Variants in ZNF704 observed in about 807,000 individuals in gnomAD.
ZNF704 encodes zinc finger protein 704.
ZNF704 carries 10 observed loss-of-function variants against 44.7 expected under a neutral mutation model. The ratio of observed to expected loss-of-function variants is 0.22; its 90% CI spans 0.14 to 0.38. ZNF704 has a LOEUF of 0.38. Among genes scored for constraint, ZNF704 ranks in the 10% least tolerant of loss-of-function variants. The pLI is 1.00. For synonymous variants in ZNF704, 211 were observed against 207.6 expected (o/e 1.02, Z -0.14); for missense variants, 390 against 545.5 (o/e 0.71, Z 2.84).
intron 4 of ZNF704, 26 bp downstream of exon 4, chr8:80,687,200 A>T (rs1170169090): frequency 3.8e-6 from 6 of 1,596,090 alleles, no homozygotes; most frequent in African/African-American, 1.3e-5. Context: ...AACTGAATGC[A>T]GAAGACCGCG....
At chr8:80,813,466 T>A (rs1344529760) in intron 2 of ZNF704, among the ~76,000 whole-genome samples, 1 of 152,224 alleles carries the variant, frequency 6.6e-6, no homozygotes, top group Admixed American at 6.5e-5. Context: ...ATGTCATTTT[T>A]AACATCAACC....
chr8:80,708,616 A>G (rs1034722584), intron 2 of ZNF704, among the ~76,000 whole-genome samples: 2 of 152,264 alleles, frequency 1.3e-5, no homozygotes, highest in Admixed American at 1.3e-4. Flanking sequence ...GGTATAAATA[A>G]TAATTTCCAC....
At chr8:80,788,556 T>C (rs1807652296) in intron 2 of ZNF704, among the ~76,000 whole-genome samples, 1 of 152,174 alleles carries the variant, frequency 6.6e-6, no homozygotes, top group African/African-American at 2.4e-5. Flanking sequence ...GCAAACTCAA[T>C]TCTTTACCTT....
intron 1 of ZNF704, among the ~76,000 whole-genome samples, chr8:80,863,808 T>C (rs1013896200): frequency 6.6e-6 from 1 of 152,240 alleles, no homozygotes; most frequent in African/African-American, 2.4e-5. Context: ...CCTAGAATCC[T>C]GGTATGTTCT....
At chr8:80,788,673 C>A (rs745615211) in intron 2 of ZNF704, among the ~76,000 whole-genome samples, 2 of 152,120 alleles carry the variant, frequency 1.3e-5, no homozygotes, top group Non-Finnish European at 2.9e-5. Context: ...TGAAGGAAGG[C>A]GGAGCATGAA....
At chr8:80,804,761 G>A (rs758516070) in intron 2 of ZNF704, among the ~76,000 whole-genome samples, 2 of 152,058 alleles carry the variant, frequency 1.3e-5, no homozygotes, top group Non-Finnish European at 2.9e-5. Context: ...TATGATCTGT[G>A]CAGCAAACCA....
At chr8:80,779,684 T>C (rs1308161087) in intron 2 of ZNF704, among the ~76,000 whole-genome samples, 2 of 151,904 alleles carry the variant, frequency 1.3e-5, no homozygotes, top group African/African-American at 4.8e-5. Context: ...AATAATACAT[T>C]TCACATTAAG....
rs1275722076 is a variant in ZNF704 at position 80,632,966 on chromosome 8, G to A, written c.*8400C>T. 5 of 149,842 alleles carry A rather than the reference G, an allele frequency of 3.3e-5. No homozygotes were observed. The highest frequency in any genetic ancestry group is 3.3e-4 in the Admixed American group (5 of 15,220). 9.3% of individuals were successfully genotyped at this position (149,842 alleles called of 1,614,324 possible). On this transcript the variant is annotated 3_prime_UTR_variant, in exon 9 of 9. Coordinates refer to ENST00000327835, the MANE Select transcript of ZNF704 (RefSeq NM_001033723.3). ...AAGTTTTTTTTTGAGGCTCCTTCTA[G>A]CTCCACAACCCAACTGCCTGTGAAT...
rs1809327342 is a variant in ZNF704, at chr8:80,874,421, G to A, written c.-22+150C>T. 6.7e-6 allele frequency: 1 copy of A among 149,556 alleles called. No individual in the cohort carries two copies. 9.3% of individuals were successfully genotyped at this position (149,556 alleles called of 1,614,324 possible). A position where few individuals can be genotyped will look rare whatever the true frequency, so the allele number is the denominator to read the frequency against. ...GCCTCTCCCGGCCGGCTGCGCCCGCGCGCTCCGGGCCTACCGCTGCCGTGC... is the reference window on the plus strand; with the variant it reads ...GCCTCTCCCGGCCGGCTGCGCCCGCACGCTCCGGGCCTACCGCTGCCGTGC... On this transcript the variant is annotated intron_variant, in intron 1 of 8. Transcript: ENST00000327835. This position sits in a 1 kb window ranked among gnomAD's most constrained non-coding sequence, Gnocchi z 4.4.
In ZNF704 at chr8:80,633,074, T is replaced by C. The variant is rs140969163; in HGVS notation, c.*8292A>G. ...TCCATTCATATATTGGACTGCCTTT[T>C]AATCATTCACAATGAAAGAAATCTC... On this transcript the variant is annotated 3_prime_UTR_variant, in exon 9 of 9. Coordinates refer to ENST00000327835, the MANE Select transcript of ZNF704 (RefSeq NM_001033723.3). 6.6e-6 allele frequency: 1 copy of C among 152,356 alleles called. No individual in the cohort carries two copies. Among genetic ancestry groups the C allele is most frequent in the African/African-American group, 2.4e-5 (1 of 41,580 alleles). 9.4% of individuals were successfully genotyped at this position (152,356 alleles called of 1,614,324 possible).
chr8:80,709,530 G>A (rs1263741525), intron 2 of ZNF704, among the ~76,000 whole-genome samples: 1 of 147,792 alleles, frequency 6.8e-6, no homozygotes, highest in Non-Finnish European at 1.5e-5. Context: ...GACAGGATCA[G>A]TTCTATAAGG....
chr8:80,837,954 C>T (rs1808609360), intron 1 of ZNF704, among the ~76,000 whole-genome samples: 1 of 152,166 alleles, frequency 6.6e-6, no homozygotes, highest in Non-Finnish European at 1.5e-5. Context: ...GTCCCACACT[C>T]TCCTCACCTG....
Position 80,631,526 on chromosome 8 carries a change from G to C in ZNF704, c.*9840C>G, listed in dbSNP as rs890859400. On this transcript the variant is annotated 3_prime_UTR_variant, in exon 9 of 9. Transcript: ENST00000327835. Reference sequence around the variant, plus strand: ...TCAGAGCCTGGAGTAATTAAACATGGAGCCCTCTTGCTCTGTCCTCATTGT... The same window carrying C: ...TCAGAGCCTGGAGTAATTAAACATGCAGCCCTCTTGCTCTGTCCTCATTGT... The C allele has an allele frequency of 2.0e-5, 3 of 152,214 alleles. No individual in the cohort carries two copies. The highest frequency in any genetic ancestry group is 4.4e-5 in the Non-Finnish European group (3 of 68,058). The allele number at this position is 152,214 out of a possible 1,614,324, so 9.4% of individuals were successfully genotyped here.
chr8:80,863,817 C>CT (rs1809109177), intron 1 of ZNF704, among the ~76,000 whole-genome samples: 1 of 152,088 alleles, frequency 6.6e-6, no homozygotes, highest in Non-Finnish European at 1.5e-5. Context: ...CTGGTATGTT[C>CT]TTTTTGTATG....
chr8:80,810,610 C>T (rs912021718), intron 2 of ZNF704, among the ~76,000 whole-genome samples: 37 of 152,132 alleles, frequency 2.4e-4, no homozygotes, highest in African/African-American at 8.9e-4. Flanking sequence ...TATCTGGTAA[C>T]AACTAAAGAG....
rs145104574 is a variant in ZNF704 at position 80,729,752 on chromosome 8, G to A, written c.222-36645C>T. 5.7e-3 allele frequency among the ~76,000 whole-genome samples: 862 copies of A among 152,312 alleles called. 9 individuals carry two copies. Among genetic ancestry groups the A allele is most frequent in the African/African-American group, 0.02 (825 of 41,556 alleles). On this transcript the variant is annotated intron_variant, in intron 2 of 8. Coordinates refer to ENST00000327835, the MANE Select transcript of ZNF704 (RefSeq NM_001033723.3). ...TTCATCTGAGCTGTAGTGCTGATCAGAAACATAGTCATGGCTTTGGGAGAT... is the reference window on the plus strand; with the variant it reads ...TTCATCTGAGCTGTAGTGCTGATCAAAAACATAGTCATGGCTTTGGGAGAT...
At chr8:80,672,832 T>C (rs993478232) in intron 4 of ZNF704, among the ~76,000 whole-genome samples, 1 of 152,034 alleles carries the variant, frequency 6.6e-6, no homozygotes, top group African/African-American at 2.4e-5. Flanking sequence ...ACCTGGGTGA[T>C]AGGCTCAATT....
At chr8:80,850,855 C>CT (rs1808846305) in intron 1 of ZNF704, among the ~76,000 whole-genome samples, 1 of 152,132 alleles carries the variant, frequency 6.6e-6, no homozygotes, top group African/African-American at 2.4e-5. Flanking sequence ...GGGAAATTGC[C>CT]TAACATGAAG....
chr8:80,639,800 C>G lies in ZNF704; in HGVS notation c.*1566G>C, dbSNP rs1817715616. 1.3e-5 allele frequency: 2 copies of G among 152,604 alleles called. No individual in the cohort carries two copies. The highest frequency in any genetic ancestry group is 2.1e-4 in the South Asian group (1 of 4,828). 9.5% of individuals were successfully genotyped at this position (152,604 alleles called of 1,614,324 possible). ...GTATAATCTCTAGACATATATTAAA[C>G]TTTCCTCTGTGCAATTTCATTTAAC... On this transcript the variant is annotated 3_prime_UTR_variant, in exon 9 of 9. Coordinates refer to ENST00000327835, the MANE Select transcript of ZNF704 (RefSeq NM_001033723.3).
Sources: allele counts gnomAD v4.1 joint callset (sites outside exome capture counted in the v4.1 genomes callset), GRCh38; gene constraint gnomAD v4.1.1; non-coding constraint Gnocchi (gnomAD v3.1); transcripts MANE v1.5; gene names NCBI Gene and HGNC (gene_info 2026-07-23, HGNC 2026-07-21).